The following ARHGAP15 variants were observed in gnomAD, a reference collection of about 807,000 sequenced individuals.
The protein encoded by ARHGAP15 is rho GTPase-activating protein 15.
Under a neutral mutation model 63.7 loss-of-function variants are expected in ARHGAP15, and 51 were observed. That is an observed-to-expected ratio of 0.80 (90% CI 0.64 to 1.01). The LOEUF is 1.01. Among genes scored for constraint, ARHGAP15 ranks in the 50% least tolerant of loss-of-function variants. The probability of loss-of-function intolerance (pLI) is 0.00; values close to 1 mark genes in which losing one functional copy is unlikely to be tolerated. For synonymous variants in ARHGAP15, 191 were observed against 193.8 expected, an observed-to-expected ratio of 0.99 and a Z score of 0.12; for missense variants, 560 against 564.6, an observed-to-expected ratio of 0.99 and a Z score of 0.08.
In ARHGAP15 at chr2:143,557,625, T is replaced by A. The variant is rs141650784; in HGVS notation, c.1003+1140T>A. ...GAATCCTCATGTAAATTATAATATT[T>A]AGTTAATAATAATGTATTGATATTG... On this transcript the variant is annotated intron_variant, in intron 11 of 13. Coordinates refer to ENST00000295095, the MANE Select transcript of ARHGAP15 (RefSeq NM_018460.4). Among the ~76,000 whole-genome samples, 36 of 152,208 alleles carry A rather than the reference T, an allele frequency of 2.4e-4. No homozygotes were observed. The East Asian group carries it at 7.0e-3, about 29-fold the overall frequency.
intron 6 of ARHGAP15, among the ~76,000 whole-genome samples, chr2:143,276,529 TG>T (rs1681559782): frequency 6.6e-6 from 1 of 152,254 alleles, no homozygotes; most frequent in South Asian, 2.1e-4. Context: ...TAATCCCATT[TG>T]TTAGACATTT....
At chr2:143,566,949 C>T (rs1222718911) in intron 11 of ARHGAP15, among the ~76,000 whole-genome samples, 1 of 151,530 alleles carries the variant, frequency 6.6e-6, no homozygotes, top group Non-Finnish European at 1.5e-5. Flanking sequence ...GATCTCGGTT[C>T]ACTGCAAGCT....
intron 12 of ARHGAP15, among the ~76,000 whole-genome samples, chr2:143,676,822 G>A (rs1185210405): frequency 6.6e-6 from 1 of 152,016 alleles, no homozygotes; most frequent in African/African-American, 2.4e-5. Context: ...CATACTACTG[G>A]GAAAAAGGTG....
At chr2:143,195,212 C>A (rs1327454573) in intron 2 of ARHGAP15, among the ~76,000 whole-genome samples, 1 of 151,450 alleles carries the variant, frequency 6.6e-6, no homozygotes, top group Non-Finnish European at 1.5e-5. Context: ...GGAAGAGCCC[C>A]CCTCCCAAAA....
chr2:143,277,632 C>T (rs1681625616), intron 6 of ARHGAP15, among the ~76,000 whole-genome samples: 1 of 151,842 alleles, frequency 6.6e-6, no homozygotes, highest in Admixed American at 6.6e-5. Context: ...GTGATAATAC[C>T]TACATGGTGC....
At chr2:143,374,434 A>G (rs1048914232) in intron 6 of ARHGAP15, among the ~76,000 whole-genome samples, 1 of 152,090 alleles carries the variant, frequency 6.6e-6, no homozygotes, top group Non-Finnish European at 1.5e-5. Context: ...TCTTTGGACA[A>G]TAAGAGTAAT....
At chr2:143,193,926 T>C (rs993216007) in intron 2 of ARHGAP15, among the ~76,000 whole-genome samples, 8 of 152,208 alleles carry the variant, frequency 5.3e-5, no homozygotes. Context: ...AAGTAAGAAG[T>C]AAACTTCCTA....
intron 10 of ARHGAP15, among the ~76,000 whole-genome samples, chr2:143,527,413 AT>A (rs1329959612): frequency 6.6e-6 from 1 of 151,386 alleles, no homozygotes; most frequent in Non-Finnish European, 1.5e-5. Flanking sequence ...ATAATCATTT[AT>A]TTTCTTGTTT....
intron 10 of ARHGAP15, among the ~76,000 whole-genome samples, chr2:143,543,452 A>C (rs946395758): frequency 6.6e-6 from 1 of 152,048 alleles, no homozygotes; most frequent in Non-Finnish European, 1.5e-5. Flanking sequence ...TCTGATGTTA[A>C]CATCCTGTCA....
chr2:143,717,105 C>T (rs539428511), intron 13 of ARHGAP15, among the ~76,000 whole-genome samples: 4 of 152,318 alleles, frequency 2.6e-5, no homozygotes, highest in Non-Finnish European at 4.4e-5. Context: ...ACTTAGAGCA[C>T]GTTTTTTTAG....
chr2:143,553,227 T>C (rs557471798), intron 10 of ARHGAP15, among the ~76,000 whole-genome samples: 54 of 152,354 alleles, frequency 3.5e-4, no homozygotes, highest in Non-Finnish European at 6.5e-4. Flanking sequence ...CCAGATTATT[T>C]TGCAAAATGT....
intron 6 of ARHGAP15, among the ~76,000 whole-genome samples, chr2:143,413,298 C>T (rs191042511): frequency 6.6e-6 from 1 of 152,270 alleles, no homozygotes; most frequent in East Asian, 1.9e-4. Flanking sequence ...TACCGGGTTT[C>T]TGCCTTTGTG....
At chr2:143,231,943 T>C (rs1335770448) in intron 5 of ARHGAP15, among the ~76,000 whole-genome samples, 1 of 152,216 alleles carries the variant, frequency 6.6e-6, no homozygotes, top group Non-Finnish European at 1.5e-5. Flanking sequence ...CTTTATGATC[T>C]AATTACCTCC....
At chr2:143,704,175 T>G (rs1246291445) in intron 13 of ARHGAP15, among the ~76,000 whole-genome samples, 12 of 152,310 alleles carry the variant, frequency 7.9e-5, no homozygotes, top group Admixed American at 7.2e-4. Flanking sequence ...CATAGGTTCT[T>G]GTGGTCCACA....
chr2:143,441,279 A>C (rs982027642), intron 8 of ARHGAP15, among the ~76,000 whole-genome samples: 2 of 152,072 alleles, frequency 1.3e-5, no homozygotes, highest in Non-Finnish European at 2.9e-5. Flanking sequence ...CAAAAAATCT[A>C]AGTACGAGCA....
intron 12 of ARHGAP15, among the ~76,000 whole-genome samples, chr2:143,663,269 T>C (rs1157926768): frequency 6.7e-6 from 1 of 150,008 alleles, no homozygotes; most frequent in Non-Finnish European, 1.5e-5. Context: ...TTCAACATTC[T>C]TAAAGAAAAG....
At chr2:143,757,900 TAAGTA>T (rs1329743039) in intron 13 of ARHGAP15, among the ~76,000 whole-genome samples, 2 of 152,016 alleles carry the variant, frequency 1.3e-5, no homozygotes, top group Admixed American at 1.3e-4. Context: ...CATAAGAACT[TAAGTA>T]AATAAAATTA....
chr2:143,245,141 G>A (rs1274236242), intron 5 of ARHGAP15, among the ~76,000 whole-genome samples: 1 of 152,162 alleles, frequency 6.6e-6, no homozygotes, highest in African/African-American at 2.4e-5. Context: ...CATATGGCAG[G>A]TAATGGGACA....
chr2:143,263,357 G>T (rs1260523576), intron 6 of ARHGAP15, among the ~76,000 whole-genome samples: 1 of 152,144 alleles, frequency 6.6e-6, no homozygotes, highest in Non-Finnish European at 1.5e-5. Context: ...ATGAATCACT[G>T]TTCCCCCAAG....
Sources: allele counts gnomAD v4.1 joint callset (sites outside exome capture counted in the v4.1 genomes callset), GRCh38; gene constraint gnomAD v4.1.1; transcripts MANE v1.5; gene names NCBI Gene and HGNC (gene_info 2026-07-23, HGNC 2026-07-21).